Variants in BCAS4 observed in about 807,000 individuals in gnomAD.
BCAS4 encodes breast carcinoma amplified sequence 4.
Under a neutral mutation model 15.7 loss-of-function variants are expected in BCAS4, and 9 were observed. That is an observed-to-expected ratio of 0.57 (90% CI 0.34 to 1.00). BCAS4 has a LOEUF of 1.00. BCAS4 is among the 50% of genes least tolerant of loss of function. The pLI is 0.02. For missense variants in BCAS4, 225 were observed against 239.1 expected, an observed-to-expected ratio of 0.94 and a Z score of 0.39; for synonymous variants, 101 against 99.5, an observed-to-expected ratio of 1.02 and a Z score of -0.09.
intron 1 of BCAS4, among the ~76,000 whole-genome samples, chr20:50,797,702 G>C (rs2087882579): frequency 6.6e-6 from 1 of 152,174 alleles, no homozygotes; most frequent in South Asian, 2.1e-4. Context: ...TTTCACTCTT[G>C]TTGCCCAGGC....
At chr20:50,827,036 C>T (rs561895358) in intron 2 of BCAS4, among the ~76,000 whole-genome samples, 5 of 152,236 alleles carry the variant, frequency 3.3e-5, no homozygotes, top group Admixed American at 1.3e-4. Flanking sequence ...ACAAAAAAAA[C>T]GAAGAAACCA....
intron 4 of BCAS4, among the ~76,000 whole-genome samples, chr20:50,843,256 C>G (rs183713889): frequency 1.3e-5 from 2 of 152,180 alleles, no homozygotes; most frequent in Non-Finnish European, 2.9e-5. Context: ...CATGCCTGGC[C>G]TTATTGAGTG....
chr20:50,844,789 C>G (rs532885788), intron 4 of BCAS4, among the ~76,000 whole-genome samples: 6 of 152,256 alleles, frequency 3.9e-5, no homozygotes, highest in African/African-American at 1.2e-4. Flanking sequence ...GGACCTGCAC[C>G]CTCTCCTCTC....
intron 4 of BCAS4, among the ~76,000 whole-genome samples, chr20:50,843,788 T>C (rs1384212181): frequency 2.0e-5 from 3 of 152,234 alleles, no homozygotes; most frequent in African/African-American, 7.2e-5. Context: ...ACTGCATCCT[T>C]TGTCCTCTCC....
At chr20:50,830,875 C>T (rs1234458779) in intron 3 of BCAS4, among the ~76,000 whole-genome samples, 1 of 151,888 alleles carries the variant, frequency 6.6e-6, no homozygotes, top group African/African-American at 2.4e-5. Flanking sequence ...AATTTGTTTC[C>T]AACATTTAAA....
chr20:50,824,335 T>A (rs1020129138), intron 2 of BCAS4, among the ~76,000 whole-genome samples: 2 of 152,230 alleles, frequency 1.3e-5, no homozygotes, highest in Non-Finnish European at 2.9e-5. Flanking sequence ...TTGGCTCTCC[T>A]TCCTAGGGGC....
intron 3 of BCAS4, among the ~76,000 whole-genome samples, chr20:50,833,712 A>G (rs6013023): frequency 0.086 from 13,016 of 152,190 alleles, 919 homozygotes; most frequent in African/African-American, 0.19. Context: ...TGAGGTTCTT[A>G]CACCCAAATC....
At chr20:50,821,681 G>C (rs1387404903) in intron 2 of BCAS4, among the ~76,000 whole-genome samples, 4 of 152,184 alleles carry the variant, frequency 2.6e-5, no homozygotes, top group African/African-American at 4.8e-5. Context: ...AGGTCCGAGA[G>C]AAGGCAGGCC....
At chr20:50,825,853 G>A (rs2088272162) in intron 2 of BCAS4, among the ~76,000 whole-genome samples, 1 of 152,080 alleles carries the variant, frequency 6.6e-6, no homozygotes. Context: ...CTCCAGCCTG[G>A]GAGAGAGAGT....
intron 4 of BCAS4, among the ~76,000 whole-genome samples, chr20:50,846,404 T>G (rs1208331207): frequency 6.6e-6 from 1 of 151,986 alleles, no homozygotes; most frequent in Admixed American, 6.6e-5. Context: ...GAGGCCAGGG[T>G]GGGAGGATCA....
At chr20:50,878,752 G>C (rs1032834139), downstream of BCAS4, 1 of 151,960 alleles carries the variant, frequency 6.6e-6, no homozygotes, top group East Asian at 1.9e-4. Context: ...CTCCTGTTTC[G>C]GCCTCCCAAA....
chr20:50,830,236 G>T (rs756241147), intron 2 of BCAS4, 43 bp from the exon 3 acceptor site: 1 of 1,538,964 alleles, frequency 6.5e-7, no homozygotes, highest in Non-Finnish European at 9.0e-7. Context: ...GGAGGACACA[G>T]TGATGGGGCA....
chr20:50,866,833 G>C (rs984260411), intron 4 of BCAS4, among the ~76,000 whole-genome samples: 1 of 152,188 alleles, frequency 6.6e-6, no homozygotes, highest in Non-Finnish European at 1.5e-5. Flanking sequence ...CAAGTGACTC[G>C]CTGAGCCTCA....
At chr20:50,839,435 T>C (rs2088450333) in intron 3 of BCAS4, among the ~76,000 whole-genome samples, 1 of 152,230 alleles carries the variant, frequency 6.6e-6, no homozygotes, top group Admixed American at 6.5e-5. Flanking sequence ...AATGTCCTTT[T>C]TAAAATGATA....
chr20:50,871,071 G>A (rs775064795), intron 4 of BCAS4, among the ~76,000 whole-genome samples: 1 of 152,240 alleles, frequency 6.6e-6, no homozygotes, highest in African/African-American at 2.4e-5. Context: ...GCCGGAGGGC[G>A]AGAGGTGGGA....
At chr20:50,814,188 C>T (rs560085931) in intron 1 of BCAS4, among the ~76,000 whole-genome samples, 1 of 152,306 alleles carries the variant, frequency 6.6e-6, no homozygotes, top group African/African-American at 2.4e-5. Context: ...CGCTTTGATC[C>T]TTCCTGCTTT....
chr20:50,873,333 G>A (rs897526522), intron 4 of BCAS4, among the ~76,000 whole-genome samples: 4 of 152,194 alleles, frequency 2.6e-5, no homozygotes, highest in Admixed American at 1.3e-4. Flanking sequence ...AGGAGAGGCC[G>A]CCTGGCTGGG....
intron 2 of BCAS4, among the ~76,000 whole-genome samples, chr20:50,823,283 T>C (rs1016023014): frequency 6.6e-6 from 1 of 151,926 alleles, no homozygotes; most frequent in African/African-American, 2.4e-5. Context: ...GAAGTTGCAG[T>C]GAGCTGAGAT....
chr20:50,875,796 A>AG (rs1979904310), intron 4 of BCAS4, among the ~76,000 whole-genome samples: 1 of 151,510 alleles, frequency 6.6e-6, no homozygotes, highest in African/African-American at 2.4e-5. Flanking sequence ...GAAAAAAAAA[A>AG]ATCAGTCATG....
Sources: gnomAD v4.1 joint callset for allele counts (sites outside exome capture counted in the v4.1 genomes callset) on GRCh38, gnomAD v4.1.1 for gene constraint, MANE v1.5 for transcripts, NCBI Gene and HGNC (gene_info 2026-07-23, HGNC 2026-07-21) for gene names.